DSCAM: variants seen among roughly 807,000 people sequenced by gnomAD.
DSCAM encodes DS cell adhesion molecule.
A neutral mutation model predicts 217.7 loss-of-function variants in DSCAM; 47 were observed. That is an observed-to-expected ratio of 0.22 (90% CI 0.17 to 0.28). The LOEUF (loss-of-function observed/expected upper bound fraction) is 0.28. Among genes scored for constraint, DSCAM ranks in the 10% least tolerant of loss-of-function variants. DSCAM has a pLI of 1.00. For missense variants in DSCAM, 2,080 were observed against 2,618.3 expected (o/e 0.79, Z 4.49); for synonymous variants, 1,056 against 1,015.3 (o/e 1.04, Z -0.76).
At chr21:40,704,391 T>C (rs1057045645) in intron 2 of DSCAM, among the ~76,000 whole-genome samples, 16 of 152,306 alleles carry the variant, frequency 1.1e-4, no homozygotes, top group African/African-American at 3.8e-4. Context: ...GACTAATACT[T>C]CATTTTATAC....
intron 3 of DSCAM, among the ~76,000 whole-genome samples, chr21:40,656,635 A>C (rs1465939225): frequency 1.3e-5 from 2 of 152,238 alleles, no homozygotes; most frequent in Non-Finnish European, 2.9e-5. Flanking sequence ...ACCGTTGCAG[A>C]AGCTTCCACC....
intron 20 of DSCAM, among the ~76,000 whole-genome samples, chr21:40,121,569 T>G (rs1481097850): frequency 6.6e-6 from 1 of 152,132 alleles, no homozygotes; most frequent in African/African-American, 2.4e-5. Context: ...CCCATCATAT[T>G]TCTATGTCTC....
intron 3 of DSCAM, among the ~76,000 whole-genome samples, chr21:40,533,616 T>TGCATCCATTCAA (rs1555852323): frequency 2.1e-5 from 3 of 141,112 alleles, no homozygotes; most frequent in Non-Finnish European, 4.5e-5. Flanking sequence ...CATCCATCCA[T>TGCATCCATTCAA]CCATCCATCC....
chr21:40,136,852 C>T (rs1318160948), intron 18 of DSCAM, among the ~76,000 whole-genome samples: 1 of 152,116 alleles, frequency 6.6e-6, no homozygotes, highest in Non-Finnish European at 1.5e-5. Flanking sequence ...GGGAGAAGGA[C>T]AACCTGGCCT....
chr21:40,500,132 G>A (rs1029047051), intron 3 of DSCAM, among the ~76,000 whole-genome samples: 4 of 152,136 alleles, frequency 2.6e-5, no homozygotes, highest in African/African-American at 9.7e-5. Flanking sequence ...TGGGAGGGAG[G>A]AGGAGAAAAG....
chr21:40,520,314 C>T (rs1490970876), intron 3 of DSCAM, among the ~76,000 whole-genome samples: 1 of 152,126 alleles, frequency 6.6e-6, no homozygotes. Context: ...AAATAATTCT[C>T]TGCAATAATT....
At chr21:40,456,909 C>A (rs2037914) in intron 3 of DSCAM, among the ~76,000 whole-genome samples, 1 of 151,874 alleles carries the variant, frequency 6.6e-6, no homozygotes, top group East Asian at 1.9e-4. Context: ...CACATTTATT[C>A]TATTTAACTA....
At chr21:40,699,820 G>T (rs992127848) in intron 2 of DSCAM, among the ~76,000 whole-genome samples, 1 of 152,228 alleles carries the variant, frequency 6.6e-6, no homozygotes, top group African/African-American at 2.4e-5. Context: ...ACATACAAAT[G>T]CATGGTGAAG....
intron 19 of DSCAM, among the ~76,000 whole-genome samples, chr21:40,129,042 C>T (rs2090127478): frequency 6.6e-6 from 1 of 152,202 alleles, no homozygotes; most frequent in African/African-American, 2.4e-5. Context: ...TCTGACTAAA[C>T]ACCCACACAG....
At chr21:40,565,667 C>T (rs1242930771) in intron 3 of DSCAM, among the ~76,000 whole-genome samples, 2 of 152,204 alleles carry the variant, frequency 1.3e-5, no homozygotes, top group African/African-American at 4.8e-5. Context: ...GAACCGCAGC[C>T]AGCAGCCCAG....
intron 8 of DSCAM, among the ~76,000 whole-genome samples, chr21:40,325,103 G>C (rs551643673): frequency 6.6e-6 from 1 of 152,256 alleles, no homozygotes; most frequent in African/African-American, 2.4e-5. Context: ...CTTAGAAAAG[G>C]TCATAGCTCT....
At chr21:40,749,296 G>GA (rs367577738) in intron 1 of DSCAM, among the ~76,000 whole-genome samples, 78 of 151,622 alleles carry the variant, frequency 5.1e-4, no homozygotes, top group African/African-American at 1.9e-3. Context: ...ACAGAATGGG[G>GA]AAAAAAAACT....
In DSCAM at chr21:40,708,662, G is replaced by T. The variant is rs777505738; in HGVS notation, c.153C>A (p.Ile51=). Residue 51 remains isoleucine (I), a synonymous_variant, in exon 2 of 33, where the codon ATC becomes ATA. Coordinates refer to ENST00000400454, the MANE Select transcript of DSCAM (RefSeq NM_001389.5). ...GGTACCATCTGAGAGTCACAGGAGG[G>T]ATGCCTGCTGCGGGGCAGGGCACCA... ...GTLVPCPAAG[I]PPVTLRWYLA... 8.1e-6 allele frequency: 13 copies of T among 1,613,378 alleles called. No homozygotes were observed. The Admixed American group carries it at 2.2e-4, about 27-fold the overall frequency.
At chr21:40,198,435 C>T (rs541230153) in intron 11 of DSCAM, among the ~76,000 whole-genome samples, 56 of 152,306 alleles carry the variant, frequency 3.7e-4, no homozygotes, top group Non-Finnish European at 7.2e-4. Context: ...ATGCCTGGAT[C>T]CCCACCATCA....
chr21:40,048,442 A>G (rs2088877058), intron 30 of DSCAM, among the ~76,000 whole-genome samples: 1 of 152,230 alleles, frequency 6.6e-6, no homozygotes, highest in African/African-American at 2.4e-5. Flanking sequence ...AGAAGTAATC[A>G]GTGCAGCAGA....
chr21:40,292,705 A>T (rs1293735162), intron 10 of DSCAM, among the ~76,000 whole-genome samples: 1 of 152,138 alleles, frequency 6.6e-6, no homozygotes, highest in African/African-American at 2.4e-5. Flanking sequence ...TACAAAGATA[A>T]ATGTGACAGA....
chr21:40,577,008 A>AT (rs2076856631), intron 3 of DSCAM, among the ~76,000 whole-genome samples: 1 of 151,650 alleles, frequency 6.6e-6, no homozygotes, highest in African/African-American at 2.4e-5. Flanking sequence ...AATAAAAAAA[A>AT]AAATAAGATG....
At chr21:40,649,362 A>G (rs571710092) in intron 3 of DSCAM, among the ~76,000 whole-genome samples, 4 of 152,190 alleles carry the variant, frequency 2.6e-5, no homozygotes, top group South Asian at 2.1e-4. Flanking sequence ...GTCCACCTCC[A>G]AGACAGCCCC....
At chr21:40,274,155 C>G (rs912265528) in intron 11 of DSCAM, among the ~76,000 whole-genome samples, 3 of 152,202 alleles carry the variant, frequency 2.0e-5, no homozygotes, top group Non-Finnish European at 4.4e-5. Context: ...GCAGGGGCCA[C>G]CTCATCTCCT....
Sources: gnomAD v4.1 joint callset for allele counts (sites outside exome capture counted in the v4.1 genomes callset) on GRCh38, gnomAD v4.1.1 for gene constraint, MANE v1.5 for transcripts, NCBI Gene and HGNC (gene_info 2026-07-23, HGNC 2026-07-21) for gene names.